RTL4: variants seen among roughly 807,000 people sequenced by gnomAD.
RTL4 encodes retrotransposon Gag-like protein 4.
A neutral mutation model predicts 5.3 loss-of-function variants in RTL4; 4 were observed. The observed-to-expected ratio is 0.75, with a 90% confidence interval of 0.37 to 1.72. The LOEUF (loss-of-function observed/expected upper bound fraction) is 1.72, where lower values mean the gene tolerates loss of function less well. RTL4 is among the 40% of genes most tolerant of loss of function. RTL4 has a pLI of 0.04. For synonymous variants in RTL4, 98 were observed against 87.3 expected, an observed-to-expected ratio of 1.12 and a Z score of -0.68; for missense variants, 260 against 227.1, an observed-to-expected ratio of 1.14 and a Z score of -0.93.
chrX:112,321,895 T>C, the RTL4 span, among the ~76,000 whole-genome samples: 1 of 111,925 alleles, frequency 8.9e-6, no homozygotes, highest in African/African-American at 3.2e-5. Flanking sequence ...ATTACATACA[T>C]GTATGAAAAT....
At chrX:112,351,966 T>C in the RTL4 span, among the ~76,000 whole-genome samples, 41 of 111,993 alleles carry the variant, frequency 3.7e-4, no homozygotes, top group African/African-American at 5.8e-4. Context: ...CTAGCCTTGA[T>C]GGTCTTTACA....
At chrX:112,108,860 C>T in the RTL4 span, among the ~76,000 whole-genome samples, 64 of 111,490 alleles carry the variant, frequency 5.7e-4, no homozygotes, top group East Asian at 0.015. Context: ...GGGGTCTGGC[C>T]TGGCCCTGAG....
the RTL4 span, among the ~76,000 whole-genome samples, chrX:112,111,650 G>A: frequency 8.9e-6 from 1 of 112,544 alleles, no homozygotes; most frequent in Non-Finnish European, 1.9e-5. Flanking sequence ...GCTTGGGTAA[G>A]TGCCACTAGT....
the RTL4 span, among the ~76,000 whole-genome samples, chrX:112,099,432 C>A: frequency 1.8e-5 from 2 of 111,240 alleles, no homozygotes; most frequent in Non-Finnish European, 3.8e-5. Context: ...TTAACTGGGA[C>A]TTGAAGGATG....
chrX:112,153,596 A>G, the RTL4 span, among the ~76,000 whole-genome samples: 1 of 112,291 alleles, frequency 8.9e-6, no homozygotes, highest in Non-Finnish European at 1.9e-5. Flanking sequence ...GTAAGCTAAT[A>G]TAATAACAGA....
At chrX:112,128,145 T>C in the RTL4 span, among the ~76,000 whole-genome samples, 13 of 111,585 alleles carry the variant, frequency 1.2e-4, no homozygotes, top group African/African-American at 4.2e-4. Flanking sequence ...GTGGGAAGAC[T>C]CATATTTCCA....
chrX:112,356,451 A>C, the RTL4 span, among the ~76,000 whole-genome samples: 508 of 111,652 alleles, frequency 4.5e-3, 5 homozygotes, highest in African/African-American at 0.015. Flanking sequence ...CAAATCACAA[A>C]AAACGATTGT....
chrX:112,439,442 ACTTGCC>A, the RTL4 span, among the ~76,000 whole-genome samples: 12 of 111,708 alleles, frequency 1.1e-4, no homozygotes, highest in East Asian at 3.1e-3. Context: ...AGAGTCCATC[ACTTGCC>A]CTCTCTGAGT....
the RTL4 span, among the ~76,000 whole-genome samples, chrX:112,265,692 C>T: frequency 1.3e-3 from 141 of 111,400 alleles, no homozygotes; most frequent in African/African-American, 4.5e-3. Flanking sequence ...CTTCTTGCCC[C>T]TGATCTTGCA....
chrX:112,454,786 G>A, exon 1 of RTL4: 1 of 1,206,691 alleles, frequency 8.3e-7, no homozygotes, highest in Non-Finnish European at 1.1e-6. Context: ...CTTTCTTCAG[G>A]CAGAGAATCT....
the RTL4 span, among the ~76,000 whole-genome samples, chrX:112,138,375 G>A: frequency 9.0e-6 from 1 of 111,340 alleles, no homozygotes; most frequent in African/African-American, 3.3e-5. Flanking sequence ...CTTCAAAATT[G>A]GGTAAGAAAG....
the RTL4 span, among the ~76,000 whole-genome samples, chrX:112,128,662 A>C: frequency 1.2e-5 from 1 of 85,066 alleles, no homozygotes; most frequent in African/African-American, 7.9e-5. Flanking sequence ...TGTCTCACAA[A>C]AAAAAAAAAA....
chrX:112,393,151 T>TTA, the RTL4 span, among the ~76,000 whole-genome samples: 7 of 99,525 alleles, frequency 7.0e-5, no homozygotes, highest in African/African-American at 3.2e-4. Context: ...TTCTTTCTTT[T>TTA]TTTTTTTTTG....
At chrX:112,433,170 C>A in the RTL4 span, among the ~76,000 whole-genome samples, 1 of 111,475 alleles carries the variant, frequency 9.0e-6, no homozygotes, top group Non-Finnish European at 1.9e-5. Context: ...TAGTGTGATG[C>A]CTCCAGCTTT....
At chrX:112,386,920 T>C in the RTL4 span, among the ~76,000 whole-genome samples, 3 of 112,173 alleles carry the variant, frequency 2.7e-5, no homozygotes, top group African/African-American at 3.2e-5. Context: ...TAGCTCTTTA[T>C]GGAATCTCCA....
chrX:112,387,709 T>C, the RTL4 span, among the ~76,000 whole-genome samples: 1 of 112,067 alleles, frequency 8.9e-6, no homozygotes, highest in Admixed American at 9.5e-5. Context: ...TTGTCTGCTG[T>C]GTTGAATATC....
chrX:112,154,108 A>G, the RTL4 span, among the ~76,000 whole-genome samples: 2 of 110,768 alleles, frequency 1.8e-5, no homozygotes, highest in African/African-American at 6.6e-5. Flanking sequence ...CACCTTTTCA[A>G]ATCTGATGCT....
At chrX:112,114,494 T>C in the RTL4 span, among the ~76,000 whole-genome samples, 1 of 111,934 alleles carries the variant, frequency 8.9e-6, no homozygotes, top group South Asian at 3.8e-4. Context: ...CCCTAGACCA[T>C]GTAGGACATC....
the RTL4 span, among the ~76,000 whole-genome samples, chrX:112,207,727 T>C: frequency 1.9e-4 from 21 of 108,379 alleles, no homozygotes; most frequent in Non-Finnish European, 3.6e-4. Context: ...AAGCGGGAGA[T>C]AGAGTGGGAT....
Sources: gnomAD v4.1 joint callset for allele counts (sites outside exome capture counted in the v4.1 genomes callset) on GRCh38, gnomAD v4.1.1 for gene constraint, MANE v1.5 for transcripts, NCBI Gene and HGNC (gene_info 2026-07-23, HGNC 2026-07-21) for gene names.